The following TVP23B variants were observed in gnomAD, a reference collection of about 807,000 sequenced individuals.
The protein encoded by TVP23B is Golgi apparatus membrane protein TVP23 homolog B.
Under a neutral mutation model 30.6 loss-of-function variants are expected in TVP23B, and 10 were observed. The observed-to-expected ratio is 0.33, with a 90% CI of 0.20 to 0.55. TVP23B has a LOEUF of 0.55. Among genes scored for constraint, TVP23B ranks in the 20% least tolerant of loss-of-function variants. The pLI, the probability that TVP23B is intolerant of heterozygous loss-of-function variation, is 0.91. For missense variants in TVP23B, 153 were observed against 243.2 expected, an observed-to-expected ratio of 0.63 and a Z score of 2.47; for synonymous variants, 67 against 83.1, an observed-to-expected ratio of 0.81 and a Z score of 1.06.
intron 3 of TVP23B, among the ~76,000 whole-genome samples, chr17:18,793,512 G>A (rs1300613939): frequency 1.3e-5 from 2 of 150,868 alleles, no homozygotes; most frequent in Non-Finnish European, 3.0e-5. Context: ...CTATTCAGGA[G>A]GCTGAGGCAG....
intron 3 of TVP23B, among the ~76,000 whole-genome samples, chr17:18,792,112 C>T (rs1023495596): frequency 6.6e-6 from 1 of 151,800 alleles, no homozygotes; most frequent in Non-Finnish European, 1.5e-5. Flanking sequence ...TGGCTCACCG[C>T]AACCTCTGCC....
At chr17:18,802,815 G>A (rs2654286) in intron 5 of TVP23B, among the ~76,000 whole-genome samples, 2 of 152,138 alleles carry the variant, frequency 1.3e-5, no homozygotes, top group African/African-American at 4.8e-5. Flanking sequence ...TCTTTGAATT[G>A]AGGTGTACCC....
chr17:18,786,544 TTCA>T (rs2035908090), intron 1 of TVP23B, among the ~76,000 whole-genome samples: 1 of 152,162 alleles, frequency 6.6e-6, no homozygotes, highest in Admixed American at 6.5e-5. Context: ...CAGCTTTTTA[TTCA>T]TAACATCATA....
At position 18,800,478 on chromosome 17, in the gene TVP23B, G is replaced by A. The variant is rs562850432; in HGVS notation, c.462+1535G>A. Among the ~76,000 whole-genome samples the A allele has an allele frequency of 2.6e-5, 4 of 152,224 alleles. No homozygotes were observed. The East Asian group carries it at 7.7e-4, about 29-fold the overall frequency. On this transcript the variant is annotated intron_variant, in intron 5 of 6. Transcript: ENST00000307767. ...TCATGTTTAAACATATGAGCCTATT[G>A]ACTATTCTTAAATGATGACCTGGCT...
At chr17:18,800,772 A>G (rs2079107330) in intron 5 of TVP23B, among the ~76,000 whole-genome samples, 1 of 151,976 alleles carries the variant, frequency 6.6e-6, no homozygotes, top group South Asian at 2.1e-4. Flanking sequence ...AAATCTTTGC[A>G]TTTATTTATG....
intron 1 of TVP23B, among the ~76,000 whole-genome samples, chr17:18,784,307 C>T (rs1480703814): frequency 6.6e-6 from 1 of 152,194 alleles, no homozygotes; most frequent in Non-Finnish European, 1.5e-5. Flanking sequence ...CCTCTCCCAA[C>T]CATACTGGAA....
chr17:18,781,426 C>G, intron 1 of TVP23B, 121 bp downstream of exon 1: 2 of 1,500,554 alleles, frequency 1.3e-6, no homozygotes, highest in Non-Finnish European at 1.8e-6. Flanking sequence ...AGCGGGGCGG[C>G]CGGGAGTGGA....
rs374025646 is a variant in TVP23B, at chr17:18,785,169, A to C, written c.12+3864A>C. 2.0e-5 allele frequency among the ~76,000 whole-genome samples: 3 copies of C among 152,226 alleles called. No homozygotes were observed. In the East Asian group the frequency reaches 5.8e-4, roughly 29 times the overall value. On this transcript the variant is annotated intron_variant, in intron 1 of 6. Transcript: ENST00000307767. ...CCAGATTTTTACTACAGTAGCCAGA[A>C]TTCTCTTTCTAACAGGTGAGTCAGA... is the stretch of plus-strand genomic sequence containing the variant.
intron 5 of TVP23B, 104 bp from the exon 6 acceptor site, chr17:18,804,034 C>T (rs555127871): frequency 4.5e-6 from 3 of 662,482 alleles, no homozygotes; most frequent in African/African-American, 3.6e-5. Context: ...GCAGAGCTTC[C>T]TCTTCCTTCT....
At chr17:18,804,858 G>T (rs2036223597) in intron 6 of TVP23B, among the ~76,000 whole-genome samples, 1 of 152,010 alleles carries the variant, frequency 6.6e-6, no homozygotes, top group Admixed American at 6.6e-5. Context: ...AAAGTGCTGG[G>T]ATTACAGGCG....
At chr17:18,783,872 C>T (rs1387306981) in intron 1 of TVP23B, among the ~76,000 whole-genome samples, 1 of 152,194 alleles carries the variant, frequency 6.6e-6, no homozygotes, top group African/African-American at 2.4e-5. Flanking sequence ...CTTGGCCGGG[C>T]GCGGTGGCTC....
At chr17:18,792,051 G>T (rs1164341857) in intron 3 of TVP23B, among the ~76,000 whole-genome samples, 2 of 148,470 alleles carry the variant, frequency 1.3e-5, no homozygotes, top group Non-Finnish European at 3.0e-5. Context: ...TTTTTTTTTT[G>T]AGACGGAGTT....
Position 18,790,929 on chromosome 17 carries a change from T to G in TVP23B, c.129T>G (p.Phe43Leu), listed in dbSNP as rs971102975. The change falls in exon 3 of 7, where the codon TTT becomes TTG. Residue 43 changes from phenylalanine (F) to leucine (L), a missense_variant. Phe to Leu is a conservative substitution (Grantham distance 22). Around this residue, in one of 3 missense-constraint regions of TVP23B, gnomAD observed 53 missense variants for 128.0 expected, o/e 0.41. Coordinates refer to ENST00000307767, the MANE Select transcript of TVP23B (RefSeq NM_016078.6). The stretch of plus-strand genomic sequence containing the variant: ...TAGCATCGTTTTTCCACTTATTCTT[T>G]CGAGTCAGTGCAATCATCGTCTATC... ...HPVASFFHLFFRVSAIIVYLL... is the reference protein window; with the variant it reads ...HPVASFFHLFLRVSAIIVYLL... 1 of 1,611,522 alleles carries G rather than the reference T, an allele frequency of 6.2e-7. No homozygotes were observed. Among genetic ancestry groups the G allele is most frequent in the Non-Finnish European group, 8.5e-7 (1 of 1,179,310 alleles).
chr17:18,790,621 T>G (rs2035977853), intron 2 of TVP23B, among the ~76,000 whole-genome samples: 1 of 152,204 alleles, frequency 6.6e-6, no homozygotes, highest in Non-Finnish European at 1.5e-5. Context: ...CCAAGAGAGA[T>G]AAAATTCTTT....
intron 3 of TVP23B, chr17:18,796,868 G>C (rs1298926043): frequency 1.3e-5 from 2 of 152,038 alleles, no homozygotes; most frequent in East Asian, 1.9e-4. Context: ...TCCAAATGTT[G>C]ACTCCTCAGA....
chr17:18,804,606 T>TG, intron 6 of TVP23B: 1 of 619,918 alleles, frequency 1.6e-6, no homozygotes, highest in Non-Finnish European at 2.1e-6. Context: ...TTTTTTTTTT[T>TG]GAGACAGAGT....
In TVP23B at chr17:18,805,608, T is replaced by C. The variant is rs540100674; in HGVS notation, c.*41T>C. The stretch of plus-strand genomic sequence containing the variant: ...GTGCTTTGTTACATTGGGGAACAAC[T>C]GAAGAGATTCTTGACTCAACCTTTT... On this transcript the variant is annotated 3_prime_UTR_variant, in exon 7 of 7. Transcript: ENST00000307767. 1.6e-4 allele frequency: 254 copies of C among 1,592,716 alleles called. 1 individual carries two copies. In the East Asian group the frequency reaches 5.4e-3, roughly 34 times the overall value.
intron 3 of TVP23B, among the ~76,000 whole-genome samples, chr17:18,793,775 G>A (rs2036034625): frequency 1.3e-5 from 2 of 152,032 alleles, no homozygotes; most frequent in South Asian, 4.1e-4. Context: ...GTAAGTAATA[G>A]CAAATTCATT....
At chr17:18,788,556 C>G (rs2151844715) in intron 1 of TVP23B, among the ~76,000 whole-genome samples, 1 of 152,108 alleles carries the variant, frequency 6.6e-6, no homozygotes, top group South Asian at 2.1e-4. Flanking sequence ...CTGAGGCGGA[C>G]AGATCACCTG....
Sources: gnomAD v4.1 joint callset for allele counts (sites outside exome capture counted in the v4.1 genomes callset) on GRCh38, gnomAD v4.1.1 for gene constraint, gnomAD v4.1.1 regional missense constraint, MANE v1.5 for transcripts, NCBI Gene and HGNC (gene_info 2026-07-23, HGNC 2026-07-21) for gene names.